TGM2: variants seen among roughly 807,000 people sequenced by gnomAD.
TGM2 encodes the protein transglutaminase 2.
TGM2 carries 53 observed loss-of-function variants against 75.6 expected under a neutral mutation model. The observed-to-expected ratio is 0.70, with a 90% CI of 0.56 to 0.88. The LOEUF is 0.88. Among genes scored for constraint, TGM2 ranks in the 40% least tolerant of loss-of-function variants. The pLI, the probability that TGM2 is intolerant of heterozygous loss-of-function variation, is 0.00. For missense variants in TGM2, 842 were observed against 928.5 expected (o/e 0.91, Z 1.21); for synonymous variants, 374 against 381.1 (o/e 0.98, Z 0.22).
At chr20:38,133,139 T>C (rs1270569138) in intron 10 of TGM2, 2 of 304,164 alleles carry the variant, frequency 6.6e-6, no homozygotes, top group Non-Finnish European at 1.3e-5. Flanking sequence ...AATCCAGATC[T>C]TAGAGTCCAA....
chr20:38,164,372 G>A (rs1365921593), intron 1 of TGM2, among the ~76,000 whole-genome samples: 1 of 152,212 alleles, frequency 6.6e-6, no homozygotes, highest in Non-Finnish European at 1.5e-5. Context: ...TCTGGGTCCA[G>A]CAGTGACATC....
chr20:38,130,105 T>A lies in TGM2; in HGVS notation c.*114A>T, dbSNP rs1313828246. The A allele has an allele frequency of 1.2e-5, 18 of 1,452,342 alleles. No individual in the cohort carries two copies. Among genetic ancestry groups the A allele is most frequent in the Admixed American group, 2.0e-5 (1 of 49,958 alleles). The allele number at this position is 1,452,342 out of a possible 1,614,324, so 90.0% of individuals were successfully genotyped here. ...TCCATTTCCGAGAGCCCCCATAGGC[T>A]GCCCACCCTGCCCTGGGGTCTGGGG... On this transcript the variant is annotated 3_prime_UTR_variant, in exon 13 of 13. Coordinates refer to ENST00000361475, the MANE Select transcript of TGM2 (RefSeq NM_004613.4).
chr20:38,157,228 C>G (rs917281411), intron 2 of TGM2, among the ~76,000 whole-genome samples: 1 of 152,188 alleles, frequency 6.6e-6, no homozygotes, highest in African/African-American at 2.4e-5. Context: ...CCCCAGCCCC[C>G]TCCTCCCTGC....
At chr20:38,141,408 AATGAAGCAGAAC>A (rs769633376) in intron 7 of TGM2, 23 bp from the exon 8 acceptor site, 1 of 1,524,802 alleles carries the variant, frequency 6.6e-7, no homozygotes, top group East Asian at 2.4e-5. Flanking sequence ...GGGGGGCGGG[AATGAAGCAGAAC>A]ATGAGCAACA....
chr20:38,133,230 C>T (rs1426772474), intron 10 of TGM2: 5 of 203,906 alleles, frequency 2.5e-5, no homozygotes, highest in African/African-American at 9.0e-5. Flanking sequence ...ATGCTGTACC[C>T]GTTGCACAGA....
At chr20:38,161,934 C>G (rs1328885025) in intron 1 of TGM2, among the ~76,000 whole-genome samples, 2 of 152,146 alleles carry the variant, frequency 1.3e-5, no homozygotes, top group Non-Finnish European at 2.9e-5. Context: ...GCTGAGAGGA[C>G]AGGCGTGCAC....
At position 38,161,518 on chromosome 20, in the gene TGM2, A is replaced by G. The variant is rs1413271945; in HGVS notation, c.92T>C (p.Leu31Pro). 1.9e-6 allele frequency: 3 copies of G among 1,613,994 alleles called. No homozygotes were observed. Among genetic ancestry groups the G allele is most frequent in the African/African-American group, 2.7e-5 (2 of 74,910 alleles). Residue 31 changes from leucine to proline, a missense_variant, in exon 2 of 13, where the codon CTG (leucine) becomes CCG (proline). Transcript: ENST00000361475. ...GAAGGGCTGGCCCCGTCGCACCACCAGCTTCTCCCGGCACAGGTCGGCCGT... is the reference window on the plus strand; with the variant it reads ...GAAGGGCTGGCCCCGTCGCACCACCGGCTTCTCCCGGCACAGGTCGGCCGT... ...HHTADLCREK[L>P]VVRRGQPFWL...
intron 1 of TGM2, among the ~76,000 whole-genome samples, chr20:38,163,058 C>T (rs1254932932): frequency 1.3e-5 from 2 of 152,198 alleles, no homozygotes; most frequent in African/African-American, 4.8e-5. Context: ...TGGGAACCCC[C>T]TTCCCCACGG....
chr20:38,137,378 G>C (rs2074912451), intron 10 of TGM2, among the ~76,000 whole-genome samples: 1 of 152,186 alleles, frequency 6.6e-6, no homozygotes, highest in African/African-American at 2.4e-5. Flanking sequence ...CCAGCTACTT[G>C]GGAGGCTGAG....
At chr20:38,161,362 G>T in intron 2 of TGM2, 58 bp downstream of exon 2, 1 of 1,596,044 alleles carries the variant, frequency 6.3e-7, no homozygotes, top group East Asian at 2.3e-5. Context: ...GGCATGTCGG[G>T]GTGGAGAGGA....
At chr20:38,138,407 C>T (rs1197419291) in intron 9 of TGM2, 22 bp from the exon 10 acceptor site, 17 of 1,613,096 alleles carry the variant, frequency 1.1e-5, no homozygotes, top group Non-Finnish European at 1.4e-5. Context: ...GAGAAGAGAG[C>T]CTCAATCACA....
intron 11 of TGM2, among the ~76,000 whole-genome samples, chr20:38,131,739 G>A (rs1288838708): frequency 6.6e-6 from 1 of 152,116 alleles, no homozygotes; most frequent in Non-Finnish European, 1.5e-5. Flanking sequence ...TGCCCTTAGG[G>A]GTTGTGGGCT....
In TGM2 at chr20:38,129,833, G is replaced by A. The variant is rs1316355727; in HGVS notation, c.*386C>T. On this transcript the variant is annotated 3_prime_UTR_variant, in exon 13 of 13. Coordinates refer to ENST00000361475, the MANE Select transcript of TGM2 (RefSeq NM_004613.4). The stretch of plus-strand genomic sequence containing the variant: ...AGCTGGATTCCCTGATCCAGCCAAG[G>A]GGCATGCTGTCCCTTTTTTGCCTGC... 4.0e-6 allele frequency: 1 copy of A among 247,094 alleles called. No individual in the cohort carries two copies. Among genetic ancestry groups the A allele is most frequent in the African/African-American group, 2.2e-5 (1 of 44,834 alleles). The allele number at this position is 247,094 out of a possible 1,614,324, so 15.3% of individuals were successfully genotyped here.
intron 9 of TGM2, 26 bp downstream of exon 9, chr20:38,139,386 G>A (rs2074940702): frequency 6.2e-7 from 1 of 1,613,902 alleles, no homozygotes; most frequent in Middle Eastern, 1.6e-4. Flanking sequence ...CTTCAAGGCT[G>A]CATTAAAGAC....
At chr20:38,132,558 T>C (rs2074847943) in intron 10 of TGM2, 58 bp from the exon 11 acceptor site, 3 of 1,605,776 alleles carry the variant, frequency 1.9e-6, no homozygotes, top group African/African-American at 1.3e-5. Flanking sequence ...CCCAACTCTC[T>C]TGCAACTCCA....
intron 5 of TGM2, 81 bp downstream of exon 5, chr20:38,147,880 C>T (rs1372994772): frequency 6.4e-7 from 1 of 1,554,854 alleles, no homozygotes; most frequent in Non-Finnish European, 8.7e-7. Context: ...CCGCGCCTAG[C>T]CTGTGTCTCC....
chr20:38,140,713 T>C (rs45458199), intron 8 of TGM2, among the ~76,000 whole-genome samples: 33 of 152,362 alleles, frequency 2.2e-4, no homozygotes, highest in African/African-American at 7.9e-4. Context: ...TCTTGTTCTA[T>C]AAAGAAGCAT....
intron 5 of TGM2, among the ~76,000 whole-genome samples, chr20:38,147,227 C>T (rs1441900274): frequency 6.6e-6 from 1 of 152,012 alleles, no homozygotes; most frequent in Non-Finnish European, 1.5e-5. Flanking sequence ...CGCTTGGGCC[C>T]CCCACCCCAG....
At chr20:38,143,959 C>A (rs957385597) in intron 6 of TGM2, among the ~76,000 whole-genome samples, 5 of 152,166 alleles carry the variant, frequency 3.3e-5, no homozygotes, top group African/African-American at 9.7e-5. Context: ...TATGACCTCC[C>A]CCTCTTGCCT....
Sources: allele counts gnomAD v4.1 joint callset (sites outside exome capture counted in the v4.1 genomes callset), GRCh38; gene constraint gnomAD v4.1.1; transcripts MANE v1.5; gene names NCBI Gene and HGNC (gene_info 2026-07-23, HGNC 2026-07-21).